RTL4: variants seen among roughly 807,000 people sequenced by gnomAD.
RTL4 encodes the protein retrotransposon Gag like 4, also known as retrotransposon Gag-like protein 4.
In RTL4, 4 loss-of-function variants were observed where a neutral mutation model predicts 5.3. The ratio of observed to expected loss-of-function variants is 0.75; its 90% confidence interval spans 0.37 to 1.72. The LOEUF (loss-of-function observed/expected upper bound fraction) is 1.72. Ranked by LOEUF, RTL4 falls within the 40% of genes most tolerant of loss-of-function variation. RTL4 has a pLI of 0.04. For synonymous variants in RTL4, 98 were observed against 87.3 expected, an observed-to-expected ratio of 1.12 and a Z score of -0.68; for missense variants, 260 against 227.1, an observed-to-expected ratio of 1.14 and a Z score of -0.93.
chrX:112,454,015 G>T (rs182399816), upstream of RTL4, among the ~76,000 whole-genome samples: 2 of 111,532 alleles, frequency 1.8e-5, no homozygotes, highest in South Asian at 7.4e-4. Context: ...ACCTCTCTGG[G>T]TCTCTGTTTT....
chrX:112,386,645 AG>A, the RTL4 span, among the ~76,000 whole-genome samples: 2 of 111,874 alleles, frequency 1.8e-5, no homozygotes, highest in Non-Finnish European at 3.8e-5. Context: ...TTAGAATAAT[AG>A]TTTTCCAGTT....
At chrX:112,106,843 C>G in the RTL4 span, among the ~76,000 whole-genome samples, 1 of 111,293 alleles carries the variant, frequency 9.0e-6, no homozygotes, top group Non-Finnish European at 1.9e-5. Flanking sequence ...GGTCTTTTGC[C>G]CTTTTTAAAT....
chrX:112,327,023 G>T, the RTL4 span, among the ~76,000 whole-genome samples: 1 of 111,968 alleles, frequency 8.9e-6, no homozygotes, highest in East Asian at 2.8e-4. Flanking sequence ...CATCATCAAA[G>T]ACCAAAAGTA....
At chrX:112,156,178 A>G in the RTL4 span, among the ~76,000 whole-genome samples, 1 of 112,242 alleles carries the variant, frequency 8.9e-6, no homozygotes, top group Non-Finnish European at 1.9e-5. Context: ...CCATTTCACT[A>G]TTTCTGAAGA....
the RTL4 span, among the ~76,000 whole-genome samples, chrX:112,333,207 C>T: frequency 9.0e-6 from 1 of 110,637 alleles, no homozygotes; most frequent in Non-Finnish European, 1.9e-5. Flanking sequence ...TTGAGAAGAA[C>T]AGTGGTTACC....
chrX:112,402,279 C>T, the RTL4 span, among the ~76,000 whole-genome samples: 1 of 111,394 alleles, frequency 9.0e-6, no homozygotes, highest in South Asian at 3.8e-4. Context: ...CTTGGAGATG[C>T]AAATCACACG....
At chrX:112,397,421 C>A in the RTL4 span, among the ~76,000 whole-genome samples, 1 of 109,068 alleles carries the variant, frequency 9.2e-6, no homozygotes, top group East Asian at 2.9e-4. Flanking sequence ...TGATGCAGAC[C>A]CTGTGATATG....
At chrX:112,267,248 T>C in the RTL4 span, among the ~76,000 whole-genome samples, 1 of 112,301 alleles carries the variant, frequency 8.9e-6, no homozygotes, top group African/African-American at 3.2e-5. Flanking sequence ...TTTGCCTCGA[T>C]CACTCCATCA....
the RTL4 span, among the ~76,000 whole-genome samples, chrX:112,126,208 T>C: frequency 1.8e-5 from 2 of 111,894 alleles, no homozygotes; most frequent in East Asian, 5.6e-4. Context: ...ATATTTGCAA[T>C]TGAATTTATC....
At chrX:112,338,616 T>A in the RTL4 span, among the ~76,000 whole-genome samples, 1 of 111,993 alleles carries the variant, frequency 8.9e-6, no homozygotes, top group Non-Finnish European at 1.9e-5. Context: ...GCTCTGGAAG[T>A]AAGCTAGTCC....
chrX:112,334,041 G>A, the RTL4 span, among the ~76,000 whole-genome samples: 1 of 107,822 alleles, frequency 9.3e-6, no homozygotes, highest in East Asian at 2.9e-4. Flanking sequence ...ACAAATAAGT[G>A]AGAACATGAA....
chrX:112,428,959 T>C, the RTL4 span, among the ~76,000 whole-genome samples: 3 of 111,743 alleles, frequency 2.7e-5, no homozygotes, highest in Non-Finnish European at 5.7e-5. Flanking sequence ...TAAATTAATA[T>C]AGCTACTCCT....
At chrX:112,408,539 T>G in the RTL4 span, among the ~76,000 whole-genome samples, 8 of 109,057 alleles carry the variant, frequency 7.3e-5, no homozygotes, top group African/African-American at 2.7e-4. Flanking sequence ...AAAGGGCAAA[T>G]ATAAAATTTA....
At chrX:112,315,281 G>T in the RTL4 span, among the ~76,000 whole-genome samples, 1 of 111,049 alleles carries the variant, frequency 9.0e-6, no homozygotes, top group African/African-American at 3.3e-5. Flanking sequence ...GTGTTGAAGA[G>T]ATGAGGTGGA....
At chrX:112,121,258 T>G in the RTL4 span, among the ~76,000 whole-genome samples, 1 of 111,701 alleles carries the variant, frequency 9.0e-6, no homozygotes, top group Non-Finnish European at 1.9e-5. Flanking sequence ...ACTATGAAAA[T>G]GAAATTATTG....
the RTL4 span, among the ~76,000 whole-genome samples, chrX:112,403,876 T>C: frequency 1.8e-5 from 2 of 112,615 alleles, no homozygotes; most frequent in Non-Finnish European, 3.8e-5. Flanking sequence ...CTTTTTGAAC[T>C]TTTTTTGAAA....
chrX:112,098,472 C>T, the RTL4 span, among the ~76,000 whole-genome samples: 1 of 111,521 alleles, frequency 9.0e-6, no homozygotes, highest in African/African-American at 3.3e-5. Flanking sequence ...TGGGTATATA[C>T]CCAGTAATGG....
the RTL4 span, among the ~76,000 whole-genome samples, chrX:112,289,709 C>T: frequency 9.0e-6 from 1 of 111,463 alleles, no homozygotes. Context: ...ATTTACGGAA[C>T]ACTCACCATG....
the RTL4 span, among the ~76,000 whole-genome samples, chrX:112,123,641 T>G: frequency 6.2e-5 from 7 of 112,085 alleles, no homozygotes; most frequent in Non-Finnish European, 1.1e-4. Flanking sequence ...TGGTGTTATT[T>G]CTGAGGTCTG....
Sources: allele counts gnomAD v4.1 joint callset (sites outside exome capture counted in the v4.1 genomes callset), GRCh38; gene constraint gnomAD v4.1.1; transcripts MANE v1.5; gene names NCBI Gene and HGNC (gene_info 2026-07-23, HGNC 2026-07-21).